The following BCAR1 variants were observed in gnomAD, a reference collection of about 807,000 sequenced individuals.
BCAR1 encodes the protein breast cancer anti-estrogen resistance protein 1.
Under a neutral mutation model 67.6 loss-of-function variants are expected in BCAR1, and 30 were observed. The observed-to-expected ratio is 0.44, with a 90% CI of 0.33 to 0.60. The LOEUF (loss-of-function observed/expected upper bound fraction) is 0.60. BCAR1 is among the 20% of genes least tolerant of loss of function. The pLI, the probability that BCAR1 is intolerant of heterozygous loss-of-function variation, is 0.02. For missense variants in BCAR1, 1,313 were observed against 1,222.3 expected (o/e 1.07, Z -1.11); for synonymous variants, 626 against 556.7 (o/e 1.12, Z -1.75).
At chr16:75,243,626 TC>T (rs2077425927) in intron 1 of BCAR1, 1 of 417,464 alleles carries the variant, frequency 2.4e-6, no homozygotes, top group African/African-American at 2.1e-5. Context: ...TCAAACACCT[TC>T]CCCAAGGCTG....
At position 75,237,657 on chromosome 16, in the gene BCAR1, C is replaced by T. The variant is rs551263818; in HGVS notation, c.634-313G>A. 2.0e-4 allele frequency among the ~76,000 whole-genome samples: 30 copies of T among 152,324 alleles called. No individual in the cohort carries two copies. In the South Asian group the frequency reaches 4.8e-3, roughly 24 times the overall value. ...GAGCATGGGTATGAGCTGATGACAC[C>T]GGTGGGGTGAGGGGCTGAGGCCCTG... On this transcript the variant is annotated intron_variant, in intron 2 of 6. Coordinates refer to ENST00000162330, the MANE Select transcript of BCAR1 (RefSeq NM_014567.5).
chr16:75,247,808 C>T, intron 1 of BCAR1: 1 of 543,358 alleles, frequency 1.8e-6, no homozygotes, highest in Non-Finnish European at 3.3e-6. Flanking sequence ...TTTCACCCAG[C>T]AAATATGACC....
chr16:75,266,719 CA>C, intron 1 of BCAR1: 1 of 1,419,086 alleles, frequency 7.0e-7, no homozygotes, highest in Non-Finnish European at 9.3e-7. Flanking sequence ...CTCACCCACT[CA>C]AAGGAAGGAC....
chr16:75,233,418 C>A (rs543948858), intron 6 of BCAR1, among the ~76,000 whole-genome samples: 1 of 152,012 alleles, frequency 6.6e-6, no homozygotes, highest in Admixed American at 6.6e-5. Flanking sequence ...TACAAACATT[C>A]AATAGACGCT....
upstream of BCAR1, among the ~76,000 whole-genome samples, chr16:75,253,686 G>C (rs538023541): frequency 6.6e-6 from 1 of 152,184 alleles, no homozygotes; most frequent in Non-Finnish European, 1.5e-5. Flanking sequence ...TGGCATTTCC[G>C]CTTTGGAAAC....
rs754535159 is a variant in BCAR1, at chr16:75,235,399, C to T, written c.1500G>A (p.Leu500=). 79 of 1,607,184 alleles carry T rather than the reference C, an allele frequency of 4.9e-5. No homozygotes were observed. Among genetic ancestry groups the T allele is most frequent in the Admixed American group, 8.3e-5 (5 of 59,912 alleles). The change falls in exon 5 of 7, where the codon CTG becomes CTA. Residue 500 remains leucine (L), a synonymous_variant. Transcript: ENST00000162330. ...WRSPSEPQEP[L]VQDLQAAVAA... is the part of the protein sequence containing the mutation. The stretch of plus-strand genomic sequence containing the variant: ...CCACAGCAGCCTGCAGGTCCTGCAC[C>T]AGCGGCTCCTGTGGCTCAGAGGGGC...
intron 1 of BCAR1, among the ~76,000 whole-genome samples, chr16:75,259,911 T>G (rs1279121034): frequency 6.8e-6 from 1 of 147,740 alleles, no homozygotes; most frequent in Non-Finnish European, 1.5e-5. Context: ...AAGCCAGACC[T>G]GGCCTGGCTC....
At chr16:75,265,161 C>G (rs1041929085) in intron 1 of BCAR1, 2 of 152,426 alleles carry the variant, frequency 1.3e-5, no homozygotes, top group African/African-American at 4.8e-5. Context: ...GGGGAGGAAG[C>G]GGCCAGTCAG....
intron 1 of BCAR1, chr16:75,265,680 G>A: frequency 4.2e-6 from 4 of 957,662 alleles, no homozygotes; most frequent in Non-Finnish European, 2.6e-6. Flanking sequence ...CCCAGCCGGT[G>A]CGCTCTCCCC....
upstream of BCAR1, among the ~76,000 whole-genome samples, chr16:75,253,050 C>A (rs1363912061): frequency 6.6e-6 from 1 of 152,240 alleles, no homozygotes; most frequent in East Asian, 1.9e-4. Context: ...TGAGACAGAG[C>A]ATGACCCAGA....
intron 2 of BCAR1, chr16:75,238,105 C>T: frequency 7.8e-7 from 1 of 1,288,862 alleles, no homozygotes; most frequent in Non-Finnish European, 1.0e-6. Flanking sequence ...ACCCAGAGCC[C>T]AGGGAAGCCA....
chr16:75,233,058 G>A (rs2076956290), intron 6 of BCAR1, among the ~76,000 whole-genome samples: 1 of 152,088 alleles, frequency 6.6e-6, no homozygotes, highest in South Asian at 2.1e-4. Context: ...TAACATGTCT[G>A]CATATAAACA....
chr16:75,250,934 C>T (rs1279558211), intron 1 of BCAR1: 1 of 985,330 alleles, frequency 1.0e-6, no homozygotes. Flanking sequence ...CGCCGGCGGC[C>T]GGAGTGAATC....
At chr16:75,242,126 C>T (rs1370479638) in intron 2 of BCAR1, among the ~76,000 whole-genome samples, 2 of 152,218 alleles carry the variant, frequency 1.3e-5, no homozygotes, top group Non-Finnish European at 2.9e-5. Context: ...CATGAAGTGG[C>T]TGGCCTCTCC....
rs1245838293 is a variant in BCAR1 at position 75,228,579 on chromosome 16, A to T, written c.*932T>A. On this transcript the variant is annotated 3_prime_UTR_variant, in exon 7 of 7. Transcript: ENST00000162330. ...CACTTCGGGAGTTCCGCAGGCTGGG[A>T]TGAGATTCTTTTAAGCAGAGCTCTG... 2.0e-5 allele frequency: 3 copies of T among 152,274 alleles called. No individual in the cohort carries two copies. In the East Asian group the frequency reaches 5.8e-4, roughly 29 times the overall value. 9.4% of individuals were successfully genotyped at this position (152,274 alleles called of 1,614,324 possible). A position where few individuals can be genotyped will look rare whatever the true frequency, so the allele number is the denominator to read the frequency against.
At chr16:75,248,818 C>G (rs1435666597) in intron 1 of BCAR1, 1 of 152,638 alleles carries the variant, frequency 6.6e-6, no homozygotes, top group African/African-American at 2.4e-5. Flanking sequence ...CTCAGCCCCA[C>G]GCGTGACACT....
chr16:75,235,631 T>G lies in BCAR1; in HGVS notation c.1268A>C (p.Glu423Ala), dbSNP rs1446576671. The G allele has an allele frequency of 1.2e-6, 2 of 1,605,490 alleles. No homozygotes were observed. The highest frequency in any genetic ancestry group is 8.5e-7 in the Non-Finnish European group (1 of 1,175,074). ...PPPAEREAPA[E>A]GKRLSASSTG... ...GCTGGAGGCCGACAGGCGCTTGCCC[T>G]CTGCCGGGGCTTCACGTTCAGCTGG... Residue 423 changes from glutamate (E) to alanine (A), a missense_variant, in exon 5 of 7, where the codon GAG (glutamate) becomes GCG (alanine). Physicochemically the swap from Glu to Ala is moderately radical, Grantham distance 107. Around this residue, in one of 2 missense-constraint regions of BCAR1, gnomAD observed 1,272 missense variants for 1,137.5 expected, o/e 1.12. Transcript: ENST00000162330.
At chr16:75,233,517 G>A (rs966358417) in intron 6 of BCAR1, among the ~76,000 whole-genome samples, 4 of 152,220 alleles carry the variant, frequency 2.6e-5, no homozygotes, top group African/African-American at 4.8e-5. Flanking sequence ...ACACCATCCC[G>A]GCCATGCAGG....
At chr16:75,243,673 C>T (rs1157977157) in intron 1 of BCAR1, among the ~76,000 whole-genome samples, 1 of 152,200 alleles carries the variant, frequency 6.6e-6, no homozygotes, top group African/African-American at 2.4e-5. Flanking sequence ...CCTGTCCTGG[C>T]CCCGTCGCCC....
Sources: gnomAD v4.1 joint callset for allele counts (sites outside exome capture counted in the v4.1 genomes callset) on GRCh38, gnomAD v4.1.1 for gene constraint, gnomAD v4.1.1 regional missense constraint, MANE v1.5 for transcripts, NCBI Gene and HGNC (gene_info 2026-07-23, HGNC 2026-07-21) for gene names.